Variants in SSH1 observed in about 807,000 individuals in gnomAD.
The protein encoded by SSH1 is slingshot protein phosphatase 1, also known as protein phosphatase Slingshot homolog 1.
Under a neutral mutation model 79.7 loss-of-function variants are expected in SSH1, and 43 were observed. The observed-to-expected ratio is 0.54, with a 90% CI of 0.42 to 0.70. SSH1 has a LOEUF of 0.70. SSH1 is among the 30% of genes least tolerant of loss of function. The probability of loss-of-function intolerance (pLI) is 0.00; values close to 1 mark genes in which losing one functional copy is unlikely to be tolerated. For missense variants in SSH1, 1,206 were observed against 1,358.8 expected, an observed-to-expected ratio of 0.89 and a Z score of 1.77; for synonymous variants, 599 against 538.3, an observed-to-expected ratio of 1.11 and a Z score of -1.56.
chr12:108,790,758 T>C (rs1265097532), intron 14 of SSH1, among the ~76,000 whole-genome samples: 8 of 152,222 alleles, frequency 5.3e-5, no homozygotes, highest in Non-Finnish European at 2.9e-5. Flanking sequence ...GCTGTATACT[T>C]GAATGCATCT....
intron 13 of SSH1, among the ~76,000 whole-genome samples, chr12:108,796,877 G>A (rs187350670): frequency 3.0e-4 from 45 of 152,026 alleles, no homozygotes; most frequent in Non-Finnish European, 5.6e-4. Context: ...TGAGTAGCTG[G>A]GATTACAGGT....
At chr12:108,843,782 G>A (rs1195032560) in intron 2 of SSH1, among the ~76,000 whole-genome samples, 6 of 152,108 alleles carry the variant, frequency 3.9e-5, no homozygotes, top group East Asian at 1.9e-4. Context: ...TGATCCGCCC[G>A]CCTCGGCCTC....
chr12:108,825,594 A>G lies in SSH1; in HGVS notation c.111-2233T>C, dbSNP rs141375935. Among the ~76,000 whole-genome samples, 47 of 152,282 alleles carry G rather than the reference A, an allele frequency of 3.1e-4. No homozygotes were observed. The East Asian group carries it at 7.7e-3, about 25-fold the overall frequency. ...CTGAATTCCAGGCAATTGGTTTTCG[A>G]TATCTTGTGACACCAATACTTGACA... is the stretch of plus-strand genomic sequence containing the variant. On this transcript the variant is annotated intron_variant, in intron 2 of 14. Transcript: ENST00000326495.
chr12:108,818,180 A>C, intron 4 of SSH1, 69 bp downstream of exon 4: 2 of 1,305,564 alleles, frequency 1.5e-6, no homozygotes, highest in Admixed American at 3.4e-5. Flanking sequence ...CCTGGGCAAC[A>C]GAGCAAGACC....
chr12:108,798,956 C>T (rs1020703968), intron 13 of SSH1, 44 bp downstream of exon 13: 1 of 1,601,348 alleles, frequency 6.2e-7, no homozygotes, highest in Admixed American at 1.7e-5. Context: ...CACATGGCTG[C>T]TCCAGCTCCG....
rs535058172 is a variant in SSH1, at chr12:108,810,477, G to A, written c.471-719C>T. ...GTGGAGGTTGCAGTGAGCCGAGATC[G>A]TACCACTGCACTCCACCCAGGGTGA... On this transcript the variant is annotated intron_variant, in intron 6 of 14. Coordinates refer to ENST00000326495, the MANE Select transcript of SSH1 (RefSeq NM_018984.4). 2.3e-3 allele frequency among the ~76,000 whole-genome samples: 354 copies of A among 151,848 alleles called. 2 individuals carry two copies. Among genetic ancestry groups the A allele is most frequent in the South Asian group, 7.5e-3 (36 of 4,796 alleles).
rs1428584291 is a variant in SSH1 at position 108,853,878 on chromosome 12, T to C, written c.70-1200A>G. On this transcript the variant is annotated intron_variant, in intron 1 of 14. Coordinates refer to ENST00000326495, the MANE Select transcript of SSH1 (RefSeq NM_018984.4). ...GGCGGAGGTTGCAGTGAGCCGAGATTGCACCACTGCACTCCAGCCTGGTGA... is the reference window on the plus strand; with the variant it reads ...GGCGGAGGTTGCAGTGAGCCGAGATCGCACCACTGCACTCCAGCCTGGTGA... Among the ~76,000 whole-genome samples, 3 of 150,288 alleles carry C rather than the reference T, an allele frequency of 2.0e-5. No individual in the cohort carries two copies. In the East Asian group the frequency reaches 5.9e-4, roughly 29 times the overall value.
chr12:108,832,020 T>C (rs1046831742), intron 2 of SSH1, among the ~76,000 whole-genome samples: 1 of 152,196 alleles, frequency 6.6e-6, no homozygotes, highest in African/African-American at 2.4e-5. Flanking sequence ...ATGTAAATAA[T>C]AGCTTTCTAG....
rs570252803 is a variant in SSH1, at chr12:108,842,194, G to T, written c.110+10444C>A. ...GCAAATTCTGATTTTCAAATCAAAC[G>T]TTCCAACAAACTGCAGAAATAAAAC... On this transcript the variant is annotated intron_variant, in intron 2 of 14. Transcript: ENST00000326495. Among the ~76,000 whole-genome samples the T allele has an allele frequency of 3.1e-4, 47 of 152,276 alleles. 1 individual carries two copies. Among genetic ancestry groups the T allele is most frequent in the African/African-American group, 1.1e-3 (47 of 41,558 alleles).
intron 14 of SSH1, 43 bp from the exon 15 acceptor site, chr12:108,789,287 T>A: frequency 6.4e-7 from 1 of 1,561,016 alleles, no homozygotes; most frequent in Non-Finnish European, 8.7e-7. Context: ...GGTGCAGTCA[T>A]GAGCCAAAGA....
chr12:108,807,608 C>T lies in SSH1; in HGVS notation c.731+25G>A, dbSNP rs772417472. On this transcript the variant is annotated intron_variant, in intron 8 of 14. Transcript: ENST00000326495. The surrounding 1 kb of genome is among the most constrained non-coding windows in gnomAD (Gnocchi z 5.2). ...GCAGGTGCCTGTGGGCTTGGGTGCG[C>T]TCACACCAGAGGCACCTCACTTACT... The T allele has an allele frequency of 6.2e-7, 1 of 1,610,618 alleles. No homozygotes were observed. Among genetic ancestry groups the T allele is most frequent in the South Asian group, 1.1e-5 (1 of 90,868 alleles).
At position 108,857,044 on chromosome 12, in the gene SSH1, C is replaced by G. The variant is rs529711083; in HGVS notation, c.69+384G>C. Among the ~76,000 whole-genome samples, 1 of 152,232 alleles carries G rather than the reference C, an allele frequency of 6.6e-6. No individual in the cohort carries two copies. Among genetic ancestry groups the G allele is most frequent in the Non-Finnish European group, 1.5e-5 (1 of 68,040 alleles). On this transcript the variant is annotated intron_variant, in intron 1 of 14. Coordinates refer to ENST00000326495, the MANE Select transcript of SSH1 (RefSeq NM_018984.4). The surrounding 1 kb of genome is among the most constrained non-coding windows in gnomAD (Gnocchi z 4.7). ...GCACACACAGTCTCTGCACAGTCAC[C>G]CTTAGGGGTCACAACGCACACAGTC...
intron 5 of SSH1, among the ~76,000 whole-genome samples, chr12:108,816,273 CTTCT>C (rs1177578804): frequency 6.6e-6 from 1 of 152,210 alleles, no homozygotes; most frequent in African/African-American, 2.4e-5. Context: ...TGTACTGTTG[CTTCT>C]TTGTTTACCT....
At chr12:108,814,744 T>C (rs968050644) in intron 5 of SSH1, among the ~76,000 whole-genome samples, 9 of 152,052 alleles carry the variant, frequency 5.9e-5, no homozygotes, top group African/African-American at 9.7e-5. Flanking sequence ...AGACTCGAAC[T>C]TGAGGGAAGA....
At chr12:108,811,926 G>A (rs1488430608) in intron 5 of SSH1, among the ~76,000 whole-genome samples, 1 of 152,164 alleles carries the variant, frequency 6.6e-6, no homozygotes, top group African/African-American at 2.4e-5. Context: ...TTTAAAAGTC[G>A]ACTTGTGAGA....
chr12:108,801,607 G>T (rs940250025), intron 11 of SSH1, among the ~76,000 whole-genome samples: 2 of 152,126 alleles, frequency 1.3e-5, no homozygotes, highest in Non-Finnish European at 2.9e-5. Flanking sequence ...TCTGTTGAAA[G>T]AATGCATCTT....
intron 2 of SSH1, among the ~76,000 whole-genome samples, chr12:108,849,993 T>C (rs1295947483): frequency 4.3e-3 from 1 of 232 alleles, no homozygotes; most frequent in Non-Finnish European, 8.2e-3. Context: ...AGGGGAGCTC[T>C]AGGAGGGAGC....
At chr12:108,802,894 G>T (rs963741426) in intron 10 of SSH1, among the ~76,000 whole-genome samples, 2 of 152,136 alleles carry the variant, frequency 1.3e-5, no homozygotes, top group Non-Finnish European at 2.9e-5. Flanking sequence ...TTAGGTAGGA[G>T]GATATTTATA....
At chr12:108,804,915 A>T (rs1027233927) in intron 10 of SSH1, 141 bp downstream of exon 10, 2 of 965,994 alleles carry the variant, frequency 2.1e-6, no homozygotes, top group Non-Finnish European at 3.2e-6. Context: ...CAAAGAGGGG[A>T]GCTCCTGCCA....
Sources: allele counts gnomAD v4.1 joint callset (sites outside exome capture counted in the v4.1 genomes callset), GRCh38; gene constraint gnomAD v4.1.1; non-coding constraint Gnocchi (gnomAD v3.1); transcripts MANE v1.5; gene names NCBI Gene and HGNC (gene_info 2026-07-23, HGNC 2026-07-21).